TMTC1: variants seen among roughly 807,000 people sequenced by gnomAD.
TMTC1 encodes the protein protein O-mannosyl-transferase TMTC1.
Under a neutral mutation model 104.8 loss-of-function variants are expected in TMTC1, and 73 were observed. The ratio of observed to expected loss-of-function variants is 0.70; its 90% CI spans 0.58 to 0.85. The LOEUF (loss-of-function observed/expected upper bound fraction) is 0.85. Ranked by LOEUF, TMTC1 falls within the 40% of genes least tolerant of loss-of-function variation. The pLI is 0.00. For synonymous variants in TMTC1, 434 were observed against 428.7 expected, an observed-to-expected ratio of 1.01 and a Z score of -0.15; for missense variants, 1,035 against 1,096.1, an observed-to-expected ratio of 0.94 and a Z score of 0.79.
intron 5 of TMTC1, among the ~76,000 whole-genome samples, chr12:29,687,478 A>G (rs1186080324): frequency 6.6e-6 from 1 of 152,254 alleles, no homozygotes; most frequent in African/African-American, 2.4e-5. Flanking sequence ...AACGAGACTA[A>G]GAGACATGAT....
At position 29,555,205 on chromosome 12, in the gene TMTC1, T is replaced by C. The variant is rs192828245; in HGVS notation, c.1676+1652A>G. Among the ~76,000 whole-genome samples the C allele has an allele frequency of 6.2e-3, 901 of 145,512 alleles. 4 individuals are homozygous for C. Among genetic ancestry groups the C allele is most frequent in the Non-Finnish European group, 8.0e-3 (536 of 66,996 alleles). The stretch of plus-strand genomic sequence containing the variant: ...CAGGCTAGAGTACAGTGGCATGATC[T>C]CAGCTCACTGCAACCTCTGCATCTC... On this transcript the variant is annotated intron_variant, in intron 10 of 17. Transcript: ENST00000539277.
chr12:29,740,790 G>A (rs1468024535), intron 5 of TMTC1, among the ~76,000 whole-genome samples: 2 of 151,908 alleles, frequency 1.3e-5, no homozygotes, highest in African/African-American at 4.8e-5. Flanking sequence ...TCTTTACAAA[G>A]AAGGAAAAAG....
intron 10 of TMTC1, among the ~76,000 whole-genome samples, chr12:29,552,165 T>C (rs1945123331): frequency 6.6e-6 from 1 of 152,170 alleles, no homozygotes; most frequent in Non-Finnish European, 1.5e-5. Flanking sequence ...ATCTGTGTTG[T>C]ACAATATAGT....
intron 9 of TMTC1, 96 bp from the exon 10 acceptor site, chr12:29,557,096 A>C: frequency 2.3e-6 from 3 of 1,328,254 alleles, no homozygotes; most frequent in Non-Finnish European, 3.1e-6. Flanking sequence ...AACAGCCAAA[A>C]TGAAACACTG....
In TMTC1 at chr12:29,506,199, G is replaced by T. The variant is rs1254476851; in HGVS notation, c.*647C>A. 2 of 152,104 alleles carry T rather than the reference G, an allele frequency of 1.3e-5. No individual in the cohort carries two copies. Among genetic ancestry groups the T allele is most frequent in the Non-Finnish European group, 2.9e-5 (2 of 68,012 alleles). The allele number at this position is 152,104 out of a possible 1,614,324, so 9.4% of individuals were successfully genotyped here. A position where few individuals can be genotyped will look rare whatever the true frequency, so the allele number is the denominator to read the frequency against. ...CCCAGCTCCTTGATTTCCCCCTAGG[G>T]ATAAAGATATCCATGTACAATTCCA... On this transcript the variant is annotated 3_prime_UTR_variant, in exon 18 of 18. Coordinates refer to ENST00000539277, the MANE Select transcript of TMTC1 (RefSeq NM_001193451.2).
chr12:29,740,508 C>T (rs955447985), intron 5 of TMTC1, among the ~76,000 whole-genome samples: 1 of 152,164 alleles, frequency 6.6e-6, no homozygotes, highest in African/African-American at 2.4e-5. Context: ...CTGGGGACTC[C>T]AACTGGCACT....
chr12:29,758,326 A>G (rs556730405), intron 3 of TMTC1, among the ~76,000 whole-genome samples: 14 of 152,352 alleles, frequency 9.2e-5, no homozygotes, highest in African/African-American at 3.4e-4. Flanking sequence ...AGTATTAGGA[A>G]CAAAATGAAA....
chr12:29,780,322 A>C (rs1943805089), intron 1 of TMTC1, among the ~76,000 whole-genome samples: 1 of 152,232 alleles, frequency 6.6e-6, no homozygotes, highest in African/African-American at 2.4e-5. Context: ...AATAAAAAGG[A>C]ACAAACTATG....
intron 6 of TMTC1, among the ~76,000 whole-genome samples, chr12:29,625,608 G>A (rs1048295888): frequency 6.6e-6 from 1 of 152,224 alleles, no homozygotes; most frequent in Non-Finnish European, 1.5e-5. Flanking sequence ...TTTTTAGGAT[G>A]CATTAAAGTG....
Position 29,517,498 on chromosome 12 carries a change from C to G in TMTC1, c.2098G>C (p.Glu700Gln). ...GALYYNTGRY[E>Q]EALQIYQEAA... The stretch of plus-strand genomic sequence containing the variant: ...TCCTGGTAAATCTGCAAAGCCTCTT[C>G]GTATCGGCCAGTGTTGTAATACAGT... Residue 700 changes from glutamate to glutamine, a missense_variant, in exon 14 of 18, where the codon GAA (glutamate) becomes CAA (glutamine). Coordinates refer to ENST00000539277, the MANE Select transcript of TMTC1 (RefSeq NM_001193451.2). The G allele has an allele frequency of 6.2e-7, 1 of 1,614,106 alleles. No homozygotes were observed. Among genetic ancestry groups the G allele is most frequent in the Non-Finnish European group, 8.5e-7 (1 of 1,180,028 alleles).
chr12:29,725,629 C>G (rs912893213), intron 5 of TMTC1, among the ~76,000 whole-genome samples: 1 of 152,128 alleles, frequency 6.6e-6, no homozygotes, highest in Non-Finnish European at 1.5e-5. Context: ...TGACAAAAGT[C>G]CTGTAAAATA....
At chr12:29,763,364 G>T (rs1230109342) in intron 2 of TMTC1, among the ~76,000 whole-genome samples, 1 of 152,200 alleles carries the variant, frequency 6.6e-6, no homozygotes, top group Non-Finnish European at 1.5e-5. Context: ...CAAAAGCCTA[G>T]ATATCTAAAA....
intron 5 of TMTC1, among the ~76,000 whole-genome samples, chr12:29,745,440 T>G (rs1942927779): frequency 6.6e-6 from 1 of 151,862 alleles, no homozygotes; most frequent in Non-Finnish European, 1.5e-5. Context: ...CCGGCCAACA[T>G]GGTGAAACCC....
chr12:29,769,571 G>A (rs1943550063), intron 1 of TMTC1, among the ~76,000 whole-genome samples: 1 of 152,198 alleles, frequency 6.6e-6, no homozygotes, highest in African/African-American at 2.4e-5. Context: ...GCTTGGGATG[G>A]GATAATTGTT....
At chr12:29,620,232 T>C (rs773399196) in intron 6 of TMTC1, among the ~76,000 whole-genome samples, 4 of 152,170 alleles carry the variant, frequency 2.6e-5, no homozygotes, top group Non-Finnish European at 5.9e-5. Flanking sequence ...CCAACCACAG[T>C]TGGTGCAGGG....
intron 5 of TMTC1, among the ~76,000 whole-genome samples, chr12:29,708,024 A>C (rs540605937): frequency 2.0e-5 from 3 of 152,234 alleles, no homozygotes; most frequent in Non-Finnish European, 4.4e-5. Flanking sequence ...CTGAGGAGAC[A>C]CAAGATGTCC....
intron 11 of TMTC1, among the ~76,000 whole-genome samples, chr12:29,527,010 G>C (rs183759703): frequency 6.6e-6 from 1 of 152,056 alleles, no homozygotes; most frequent in Non-Finnish European, 1.5e-5. Context: ...CTCTCTTTTG[G>C]ATGCTGCAGA....
At chr12:29,754,674 G>T (rs1057172667) in intron 4 of TMTC1, among the ~76,000 whole-genome samples, 4 of 152,136 alleles carry the variant, frequency 2.6e-5, no homozygotes, top group Admixed American at 1.3e-4. Context: ...CGGTTTTCTT[G>T]GCACGAGTTT....
At chr12:29,759,117 T>C (rs759897665) in intron 2 of TMTC1, among the ~76,000 whole-genome samples, 4 of 152,216 alleles carry the variant, frequency 2.6e-5, no homozygotes, top group Non-Finnish European at 4.4e-5. Context: ...AGTCAGACAC[T>C]GTGTCCTTCT....
Sources: allele counts gnomAD v4.1 joint callset (sites outside exome capture counted in the v4.1 genomes callset), GRCh38; gene constraint gnomAD v4.1.1; transcripts MANE v1.5; gene names NCBI Gene and HGNC (gene_info 2026-07-23, HGNC 2026-07-21).